Variants in ANO10 observed in about 807,000 individuals in gnomAD.
The protein encoded by ANO10 is anoctamin-10.
Under a neutral mutation model 74.7 loss-of-function variants are expected in ANO10, and 77 were observed. The observed-to-expected ratio is 1.03, with a 90% CI of 0.86 to 1.25. The LOEUF (loss-of-function observed/expected upper bound fraction) is 1.25. ANO10 is among the 50% of genes most tolerant of loss of function. The probability of loss-of-function intolerance (pLI) is 0.00; values close to 1 mark genes in which losing one functional copy is unlikely to be tolerated. For synonymous variants in ANO10, 279 were observed against 284.9 expected, an observed-to-expected ratio of 0.98 and a Z score of 0.21; for missense variants, 721 against 778.1, an observed-to-expected ratio of 0.93 and a Z score of 0.87.
chr3:43,604,671 T>A (rs1194866432), intron 2 of ANO10, among the ~76,000 whole-genome samples: 3 of 152,184 alleles, frequency 2.0e-5, no homozygotes, highest in African/African-American at 7.2e-5. Context: ...AGATTTTTTA[T>A]GATCGCCCAA....
At chr3:43,504,300 G>GTAGGTAGGTAGATAGATAGA (rs71083075) in intron 11 of ANO10, among the ~76,000 whole-genome samples, 28 of 139,822 alleles carry the variant, frequency 2.0e-4, no homozygotes, top group East Asian at 9.0e-4. Flanking sequence ...AGGTAGGTAG[G>GTAGGTAGGTAGATAGATAGA]TAGATAGATA....
intron 11 of ANO10, among the ~76,000 whole-genome samples, chr3:43,434,953 A>C (rs1273662414): frequency 1.3e-5 from 2 of 152,218 alleles, no homozygotes; most frequent in Non-Finnish European, 2.9e-5. Flanking sequence ...AAAATATAGC[A>C]TCTTCACAAT....
chr3:43,620,784 A>C (rs983993883), intron 1 of ANO10, among the ~76,000 whole-genome samples: 3 of 152,154 alleles, frequency 2.0e-5, no homozygotes, highest in African/African-American at 7.2e-5. Flanking sequence ...AAAAAGAAAA[A>C]AGTTTCAGTG....
chr3:43,681,192 T>C (rs1301994175), intron 1 of ANO10, among the ~76,000 whole-genome samples: 1 of 151,956 alleles, frequency 6.6e-6, no homozygotes, highest in Non-Finnish European at 1.5e-5. Context: ...CCATCTCACA[T>C]GCAGAGACAC....
At chr3:43,643,559 G>A (rs963804817) in intron 1 of ANO10, among the ~76,000 whole-genome samples, 1 of 151,674 alleles carries the variant, frequency 6.6e-6, no homozygotes, top group Admixed American at 6.6e-5. Context: ...TGTAGGGAGT[G>A]ACTTGCATTT....
chr3:43,541,510 T>G (rs997520235), intron 11 of ANO10, among the ~76,000 whole-genome samples: 1 of 152,164 alleles, frequency 6.6e-6, no homozygotes, highest in Non-Finnish European at 1.5e-5. Context: ...ATAATTTTAA[T>G]ATTTTACTTA....
At chr3:43,657,304 A>G (rs1289912108) in intron 1 of ANO10, among the ~76,000 whole-genome samples, 1 of 152,228 alleles carries the variant, frequency 6.6e-6, no homozygotes, top group Non-Finnish European at 1.5e-5. Context: ...CATCAATTGT[A>G]CATTCCCCAA....
chr3:43,653,205 G>A (rs556420434), intron 1 of ANO10, among the ~76,000 whole-genome samples: 77 of 151,852 alleles, frequency 5.1e-4, no homozygotes, highest in African/African-American at 1.6e-3. Flanking sequence ...GCAAGACTCC[G>A]TCTCAAAAAG....
At chr3:43,441,013 A>G (rs2093150633) in intron 11 of ANO10, among the ~76,000 whole-genome samples, 1 of 152,108 alleles carries the variant, frequency 6.6e-6, no homozygotes, top group African/African-American at 2.4e-5. Flanking sequence ...CAAAACCACA[A>G]CATACCAAAA....
At chr3:43,615,314 C>G (rs1013437211) in intron 1 of ANO10, among the ~76,000 whole-genome samples, 39 of 152,216 alleles carry the variant, frequency 2.6e-4, no homozygotes, top group African/African-American at 9.4e-4. Flanking sequence ...AACCAGACAG[C>G]CTGACACCAA....
At chr3:43,677,722 A>G (rs554518736) in intron 1 of ANO10, among the ~76,000 whole-genome samples, 14 of 152,322 alleles carry the variant, frequency 9.2e-5, no homozygotes, top group Admixed American at 3.3e-4. Flanking sequence ...TGCTCTGCAC[A>G]TGGTTTCTCT....
chr3:43,576,855 C>T lies in ANO10; in HGVS notation c.999G>A (p.Met333Ile), dbSNP rs1183784960. ...CLCLYFSLYV[M>I]MIYFDMEVWA... ...AAACCTCCATGTCGAAGTAAATCAT[C>T]ATGACATACAGTGAGAAATAGAGGC... Residue 333 changes from methionine to isoleucine, a missense_variant, in exon 6 of 13, where the codon ATG (methionine) becomes ATA (isoleucine). By Grantham distance (10) the Met-to-Ile change is conservative. Coordinates refer to ENST00000292246, the MANE Select transcript of ANO10 (RefSeq NM_018075.5). The T allele has an allele frequency of 6.2e-7, 1 of 1,614,038 alleles. No individual in the cohort carries two copies. Among genetic ancestry groups the T allele is most frequent in the African/African-American group, 1.3e-5 (1 of 74,916 alleles).
At chr3:43,463,099 A>G (rs1372030060) in intron 11 of ANO10, among the ~76,000 whole-genome samples, 2 of 152,228 alleles carry the variant, frequency 1.3e-5, no homozygotes, top group Non-Finnish European at 2.9e-5. Flanking sequence ...ATGAGGGGTC[A>G]GAGCCCCCAC....
intron 1 of ANO10, among the ~76,000 whole-genome samples, chr3:43,683,937 G>T (rs1009671579): frequency 6.6e-6 from 1 of 152,108 alleles, no homozygotes; most frequent in African/African-American, 2.4e-5. Context: ...ATTCAAGATG[G>T]ATTAAAGACT....
intron 11 of ANO10, among the ~76,000 whole-genome samples, chr3:43,528,207 G>A (rs1291092800): frequency 1.8e-4 from 27 of 146,512 alleles, no homozygotes; most frequent in African/African-American, 4.1e-4. Flanking sequence ...TGAAAAAAAC[G>A]AAAAAAAAAA....
intron 12 of ANO10, among the ~76,000 whole-genome samples, chr3:43,432,117 C>CTTTT (rs796692983): frequency 1.5e-5 from 2 of 133,958 alleles, no homozygotes; most frequent in African/African-American, 2.7e-5. Flanking sequence ...TCCAGCATGG[C>CTTTT]TTTTTTTTTT....
chr3:43,544,307 T>C (rs1244146149), intron 11 of ANO10, among the ~76,000 whole-genome samples: 1 of 152,158 alleles, frequency 6.6e-6, no homozygotes, highest in Non-Finnish European at 1.5e-5. Context: ...GGCTATTCTC[T>C]GGTTCAGTCT....
At chr3:43,463,090 T>C (rs1193213866) in intron 11 of ANO10, among the ~76,000 whole-genome samples, 1 of 152,082 alleles carries the variant, frequency 6.6e-6, no homozygotes, top group Non-Finnish European at 1.5e-5. Context: ...GGAAGGGAAA[T>C]GAGGGGTCAG....
At chr3:43,372,736 T>C in intron 12 of ANO10, 2 of 952,602 alleles carry the variant, frequency 2.1e-6, no homozygotes, top group Non-Finnish European at 1.6e-6. Flanking sequence ...ACCTGGTATG[T>C]GGTCTCCAGA....
Sources: gnomAD v4.1 joint callset for allele counts (sites outside exome capture counted in the v4.1 genomes callset) on GRCh38, gnomAD v4.1.1 for gene constraint, MANE v1.5 for transcripts, NCBI Gene and HGNC (gene_info 2026-07-23, HGNC 2026-07-21) for gene names.